The following JAK2 variants were observed in gnomAD, a reference collection of about 807,000 sequenced individuals.
JAK2 encodes Janus kinase 2.
A neutral mutation model predicts 139.3 loss-of-function variants in JAK2; 86 were observed. That is an observed-to-expected ratio of 0.62 (90% CI 0.52 to 0.74). The LOEUF (loss-of-function observed/expected upper bound fraction) is 0.74, where lower values mean the gene tolerates loss of function less well. Among genes scored for constraint, JAK2 ranks in the 30% least tolerant of loss-of-function variants. JAK2 has a pLI of 0.00. For missense variants in JAK2, 1,421 were observed against 1,360.3 expected, an observed-to-expected ratio of 1.04 and a Z score of -0.70; for synonymous variants, 490 against 437.7, an observed-to-expected ratio of 1.12 and a Z score of -1.49.
chr9:5,127,088 C>T lies in JAK2; in HGVS notation c.*297C>T, dbSNP rs1824047709. The stretch of plus-strand genomic sequence containing the variant: ...AGAAAAAAAATAGACTTTTTCAACT[C>T]AGCTTTTTGAGACCTGAAAAAATTA... On this transcript the variant is annotated 3_prime_UTR_variant, in exon 25 of 25. Coordinates refer to ENST00000381652, the MANE Select transcript of JAK2 (RefSeq NM_004972.4). 3.8e-6 allele frequency: 1 copy of T among 266,466 alleles called. No individual in the cohort carries two copies. 16.5% of individuals were successfully genotyped at this position (266,466 alleles called of 1,614,324 possible). A position where few individuals can be genotyped will look rare whatever the true frequency, so the allele number is the denominator to read the frequency against.
At chr9:5,083,451 A>T (rs552204586) in intron 19 of JAK2, among the ~76,000 whole-genome samples, 1 of 152,310 alleles carries the variant, frequency 6.6e-6, no homozygotes, top group Admixed American at 6.5e-5. Context: ...TCCTAAATTC[A>T]TATTTTCCTG....
intron 19 of JAK2, among the ~76,000 whole-genome samples, chr9:5,088,491 T>G (rs562449860): frequency 6.6e-6 from 1 of 152,284 alleles, no homozygotes; most frequent in South Asian, 2.1e-4. Context: ...ACCAATTCTA[T>G]GTACTTAATG....
intron 3 of JAK2, among the ~76,000 whole-genome samples, chr9:5,024,390 CT>C (rs146148756): frequency 8.5e-4 from 129 of 152,036 alleles, no homozygotes; most frequent in African/African-American, 2.9e-3. Flanking sequence ...GAACAAAAAA[CT>C]CTTTCAGTCT....
At position 4,997,073 on chromosome 9, in the gene JAK2, C is replaced by T. The variant is rs927086817; in HGVS notation, c.-26+11051C>T. Among the ~76,000 whole-genome samples the T allele has an allele frequency of 4.6e-5, 7 of 151,740 alleles. No homozygotes were observed. In the East Asian group the frequency reaches 5.8e-4, roughly 13 times the overall value. On this transcript the variant is annotated intron_variant, in intron 2 of 24. Transcript: ENST00000381652. ...CCTCCTGAGTAGCTGGCACTGCAGG[C>T]GAGTGCCACTAGGCCTGGCTAATTT...
intron 2 of JAK2, among the ~76,000 whole-genome samples, chr9:5,010,821 A>C (rs1821653871): frequency 6.6e-6 from 1 of 152,138 alleles, no homozygotes; most frequent in South Asian, 2.1e-4. Context: ...CATTTATCTG[A>C]AAACATATTT....
chr9:5,097,849 TCCC>T (rs1821128640), intron 22 of JAK2: 1 of 152,192 alleles, frequency 6.6e-6, no homozygotes, highest in African/African-American at 2.4e-5. Flanking sequence ...TACCACTGGT[TCCC>T]CCATTCTCAG....
rs1818465276 is a variant in JAK2 at position 5,064,969 on chromosome 9, T to C, written c.1143T>C (p.His381=). 3 of 1,609,358 alleles carry C rather than the reference T, an allele frequency of 1.9e-6. No individual in the cohort carries two copies. The highest frequency in any genetic ancestry group is 1.7e-6 in the Non-Finnish European group (2 of 1,176,934). The change falls in exon 9 of 25, where the codon CAT becomes CAC. Residue 381 remains histidine (H), a synonymous_variant. Coordinates refer to ENST00000381652, the MANE Select transcript of JAK2 (RefSeq NM_004972.4). Reference sequence around the variant, plus strand: ...ATAGATTAACTGCAGATGCACATCATTACCTCTGTAAAGAAGTAGCACCTC... The same window carrying C: ...ATAGATTAACTGCAGATGCACATCACTACCTCTGTAAAGAAGTAGCACCTC... ...GYYRLTADAH[H]YLCKEVAPPA... is the part of the protein sequence containing the mutation.
chr9:5,067,320 C>T (rs947320518), intron 10 of JAK2, among the ~76,000 whole-genome samples: 1 of 152,056 alleles, frequency 6.6e-6, no homozygotes, highest in Non-Finnish European at 1.5e-5. Flanking sequence ...TGCAATGAAA[C>T]CCCACTGTTA....
chr9:5,121,050 G>C (rs1823581481), intron 22 of JAK2, among the ~76,000 whole-genome samples: 1 of 152,122 alleles, frequency 6.6e-6, no homozygotes, highest in Admixed American at 6.5e-5. Context: ...TTTTAACCAA[G>C]AGAGGAATAA....
chr9:5,038,272 C>G (rs1289439398), intron 4 of JAK2, among the ~76,000 whole-genome samples: 2 of 152,082 alleles, frequency 1.3e-5, no homozygotes, highest in African/African-American at 4.8e-5. Flanking sequence ...TTGAATAGGT[C>G]TATGACAAAT....
intron 4 of JAK2, among the ~76,000 whole-genome samples, chr9:5,038,749 C>T (rs909168236): frequency 2.0e-5 from 3 of 151,896 alleles, no homozygotes; most frequent in Admixed American, 6.6e-5. Context: ...TGGAGCATTT[C>T]GGATTTCAGA....
chr9:5,030,963 A>G (rs770282200), intron 4 of JAK2, among the ~76,000 whole-genome samples: 6 of 152,196 alleles, frequency 3.9e-5, no homozygotes, highest in Non-Finnish European at 8.8e-5. Context: ...AACCAGTTAT[A>G]TAATAGATAA....
At position 5,126,749 on chromosome 9, in the gene JAK2, A is replaced by G. The variant is rs759734255; in HGVS notation, c.3357A>G (p.Leu1119=). 6.2e-7 allele frequency: 1 copy of G among 1,610,918 alleles called. No individual in the cohort carries two copies. Among genetic ancestry groups the G allele is most frequent in the Non-Finnish European group, 8.5e-7 (1 of 1,177,576 alleles). ...ATCAACGCCCCTCCTTTAGGGATCT[A>G]GCTCTTCGAGTGGATCAAATAAGGG... The part of the protein sequence containing the change: ...NVNQRPSFRD[L]ALRVDQIRDN... The change falls in exon 25 of 25, where the codon CTA becomes CTG. Residue 1119 remains leucine, a synonymous_variant. Coordinates refer to ENST00000381652, the MANE Select transcript of JAK2 (RefSeq NM_004972.4).
intron 2 of JAK2, among the ~76,000 whole-genome samples, chr9:5,000,352 A>G (rs1820859026): frequency 6.6e-6 from 1 of 152,192 alleles, no homozygotes; most frequent in South Asian, 2.1e-4. Flanking sequence ...TCCAATTTCG[A>G]ATGTGTAAGG....
At chr9:5,048,954 C>T (rs1055864298) in intron 5 of JAK2, among the ~76,000 whole-genome samples, 1 of 152,030 alleles carries the variant, frequency 6.6e-6, no homozygotes, top group Non-Finnish European at 1.5e-5. Flanking sequence ...ATTTGTACTT[C>T]TGCTTTCTTT....
intron 2 of JAK2, among the ~76,000 whole-genome samples, chr9:5,003,408 C>T (rs1346772200): frequency 6.6e-6 from 1 of 151,932 alleles, no homozygotes; most frequent in Non-Finnish European, 1.5e-5. Context: ...AAATGTTTTA[C>T]AGTTTTTATT....
At chr9:5,055,905 A>T in intron 8 of JAK2, 117 bp downstream of exon 8, 1 of 899,618 alleles carries the variant, frequency 1.1e-6, no homozygotes, top group Non-Finnish European at 1.7e-6. Flanking sequence ...AGTTTTAAAT[A>T]TAACTCTAAA....
intron 16 of JAK2, 43 bp downstream of exon 16, chr9:5,078,487 T>C: frequency 6.5e-7 from 1 of 1,528,404 alleles, no homozygotes; most frequent in Non-Finnish European, 8.9e-7. Flanking sequence ...TAAGCTTTAC[T>C]TGGGCAGTGG....
intron 2 of JAK2, among the ~76,000 whole-genome samples, chr9:5,018,166 C>T (rs1198548479): frequency 2.0e-5 from 3 of 151,740 alleles, no homozygotes; most frequent in Non-Finnish European, 4.4e-5. Context: ...TCTGTAGGTC[C>T]TTTGTTCTTT....
Sources: gnomAD v4.1 joint callset for allele counts (sites outside exome capture counted in the v4.1 genomes callset) on GRCh38, gnomAD v4.1.1 for gene constraint, MANE v1.5 for transcripts, NCBI Gene and HGNC (gene_info 2026-07-23, HGNC 2026-07-21) for gene names.